SYN3: variants seen among roughly 807,000 people sequenced by gnomAD.
SYN3 encodes the protein synapsin III, also known as synapsin-3.
A neutral mutation model predicts 65.8 loss-of-function variants in SYN3; 35 were observed. The ratio of observed to expected loss-of-function variants is 0.53; its 90% confidence interval spans 0.41 to 0.70. The LOEUF (loss-of-function observed/expected upper bound fraction) is 0.70. SYN3 is among the 30% of genes least tolerant of loss of function. SYN3 has a pLI of 0.00. For synonymous variants in SYN3, 270 were observed against 292.9 expected (o/e 0.92, Z 0.80); for missense variants, 680 against 749.0 (o/e 0.91, Z 1.08).
intron 6 of SYN3, among the ~76,000 whole-genome samples, chr22:32,768,758 T>A (rs963020847): frequency 1.3e-5 from 2 of 152,204 alleles, no homozygotes; most frequent in African/African-American, 4.8e-5. Context: ...TTCATTCTCC[T>A]ACTCTTCCAG....
intron 1 of SYN3, among the ~76,000 whole-genome samples, chr22:33,016,676 A>G (rs773426828): frequency 5.9e-5 from 9 of 152,052 alleles, no homozygotes; most frequent in Non-Finnish European, 1.5e-5. Context: ...TTTTTTTCAT[A>G]TATCTGTTAG....
intron 6 of SYN3, among the ~76,000 whole-genome samples, chr22:32,824,699 C>T (rs1351591719): frequency 6.6e-6 from 1 of 152,128 alleles, no homozygotes; most frequent in Non-Finnish European, 1.5e-5. Flanking sequence ...TATGATGACT[C>T]CCTTCATAGG....
chr22:32,551,275 C>T (rs1007958664), intron 7 of SYN3, among the ~76,000 whole-genome samples: 1 of 152,158 alleles, frequency 6.6e-6, no homozygotes, highest in Non-Finnish European at 1.5e-5. Flanking sequence ...AAGGACCACT[C>T]TTGACATCTC....
chr22:33,007,443 T>C (rs972828503), intron 1 of SYN3, among the ~76,000 whole-genome samples: 2 of 152,206 alleles, frequency 1.3e-5, no homozygotes, highest in Non-Finnish European at 2.9e-5. Flanking sequence ...TGGACCGGCA[T>C]GTCCCCCACC....
intron 6 of SYN3, among the ~76,000 whole-genome samples, chr22:32,774,527 A>G (rs1454920523): frequency 1.3e-5 from 2 of 152,128 alleles, no homozygotes; most frequent in Non-Finnish European, 2.9e-5. Flanking sequence ...GTGCTGTTGG[A>G]ACACCACAGG....
At chr22:32,914,710 G>A (rs1429007953) in intron 4 of SYN3, among the ~76,000 whole-genome samples, 5 of 152,040 alleles carry the variant, frequency 3.3e-5, no homozygotes, top group Non-Finnish European at 5.9e-5. Context: ...CCAAAGTGCT[G>A]GAATTACAGA....
At chr22:32,592,796 A>AT (rs1477817444) in intron 7 of SYN3, among the ~76,000 whole-genome samples, 1 of 152,168 alleles carries the variant, frequency 6.6e-6, no homozygotes, top group Non-Finnish European at 1.5e-5. Context: ...CCAACAACAC[A>AT]TTATGCATAT....
At chr22:32,807,423 TTA>T (rs546588724) in intron 6 of SYN3, among the ~76,000 whole-genome samples, 17,498 of 128,618 alleles carry the variant, frequency 0.14, 1,433 homozygotes, top group Admixed American at 0.17. Context: ...TACATATATA[TTA>T]TATATATAAT....
At chr22:33,026,009 C>T (rs563990555) in intron 1 of SYN3, among the ~76,000 whole-genome samples, 2 of 152,246 alleles carry the variant, frequency 1.3e-5, no homozygotes, top group Non-Finnish European at 2.9e-5. Context: ...CCTGGCTGTC[C>T]CACGAATCCA....
intron 3 of SYN3, among the ~76,000 whole-genome samples, chr22:32,969,810 A>AT (rs914945577): frequency 3.3e-5 from 5 of 152,176 alleles, no homozygotes; most frequent in South Asian, 4.1e-4. Context: ...CATTCATTGC[A>AT]TTTTTTCTTC....
intron 6 of SYN3, among the ~76,000 whole-genome samples, chr22:32,730,817 T>G (rs575665970): frequency 6.2e-4 from 95 of 152,312 alleles, no homozygotes; most frequent in African/African-American, 2.1e-3. Flanking sequence ...CACTTGCCAC[T>G]CTCCCTTTTG....
At chr22:32,602,702 C>T (rs374103826) in intron 6 of SYN3, among the ~76,000 whole-genome samples, 7 of 152,162 alleles carry the variant, frequency 4.6e-5, no homozygotes, top group Non-Finnish European at 8.8e-5. Flanking sequence ...CCTTGTGATC[C>T]GCTTGCCTCG....
chr22:32,903,907 G>A (rs1329633641), intron 4 of SYN3, among the ~76,000 whole-genome samples: 1 of 152,200 alleles, frequency 6.6e-6, no homozygotes, highest in African/African-American at 2.4e-5. Flanking sequence ...GGTTTGTTTT[G>A]CACCTACTAT....
At chr22:32,604,776 C>T (rs566342428) in intron 6 of SYN3, among the ~76,000 whole-genome samples, 13 of 152,166 alleles carry the variant, frequency 8.5e-5, no homozygotes, top group South Asian at 2.1e-4. Flanking sequence ...GAGGCTGAGG[C>T]GGGCAGATGA....
chr22:32,876,930 T>C (rs1001958307), intron 4 of SYN3, among the ~76,000 whole-genome samples: 10 of 152,226 alleles, frequency 6.6e-5, no homozygotes, highest in Non-Finnish European at 1.5e-4. Flanking sequence ...CATGCATAAA[T>C]AGATAGATAA....
chr22:32,754,212 C>A (rs868764076), intron 6 of SYN3, among the ~76,000 whole-genome samples: 1 of 151,982 alleles, frequency 6.6e-6, no homozygotes, highest in Non-Finnish European at 1.5e-5. Context: ...AGTGCAGTGG[C>A]GCGATCTTGG....
intron 6 of SYN3, among the ~76,000 whole-genome samples, chr22:32,757,338 C>A (rs576509038): frequency 6.8e-6 from 1 of 147,432 alleles, no homozygotes; most frequent in Non-Finnish European, 1.5e-5. Context: ...GCTCTTCTTG[C>A]CCAGGCTGGA....
chr22:32,540,069 C>T (rs2058229134), intron 8 of SYN3, among the ~76,000 whole-genome samples: 1 of 152,154 alleles, frequency 6.6e-6, no homozygotes, highest in Non-Finnish European at 1.5e-5. Flanking sequence ...GGAACACTTC[C>T]TTCTAGGGCA....
intron 4 of SYN3, among the ~76,000 whole-genome samples, chr22:32,897,238 C>G (rs1315194293): frequency 6.6e-6 from 1 of 152,176 alleles, no homozygotes; most frequent in Non-Finnish European, 1.5e-5. Flanking sequence ...CTGTTGTTTT[C>G]TTCTAGGAAG....
Sources: allele counts gnomAD v4.1 joint callset (sites outside exome capture counted in the v4.1 genomes callset), GRCh38; gene constraint gnomAD v4.1.1; transcripts MANE v1.5; gene names NCBI Gene and HGNC (gene_info 2026-07-23, HGNC 2026-07-21).